Variants in CUBN observed in about 807,000 individuals in gnomAD.
CUBN encodes the protein 460 kDa receptor.
Under a neutral mutation model 405.3 loss-of-function variants are expected in CUBN, and 282 were observed. The ratio of observed to expected loss-of-function variants is 0.70; its 90% CI spans 0.63 to 0.77. The LOEUF is 0.77. Among genes scored for constraint, CUBN ranks in the 30% least tolerant of loss-of-function variants. The probability of loss-of-function intolerance (pLI) is 0.00; values close to 1 mark genes in which losing one functional copy is unlikely to be tolerated. For synonymous variants in CUBN, 1,684 were observed against 1,617.0 expected (o/e 1.04, Z -0.99); for missense variants, 4,514 against 4,475.2 (o/e 1.01, Z -0.25).
In CUBN at chr10:16,961,576, A is replaced by T. The variant is rs146910536; in HGVS notation, c.4696-7028T>A. ...AAAGAACGGTAATGTGGGAAAATAA[A>T]GAAGCCAAGCAAAGGGAACTTTTTA... On this transcript the variant is annotated intron_variant, in intron 31 of 66. Transcript: ENST00000377833. 3.3e-5 allele frequency among the ~76,000 whole-genome samples: 5 copies of T among 152,338 alleles called. No individual in the cohort carries two copies. In the East Asian group the frequency reaches 9.6e-4, roughly 29 times the overall value.
chr10:16,985,450 C>A (rs1023689808), intron 29 of CUBN, among the ~76,000 whole-genome samples: 1 of 152,176 alleles, frequency 6.6e-6, no homozygotes, highest in Non-Finnish European at 1.5e-5. Context: ...CTCCATCGCC[C>A]AATAAAATCC....
chr10:16,889,777 C>T (rs1840937814), intron 55 of CUBN, among the ~76,000 whole-genome samples: 2 of 151,720 alleles, frequency 1.3e-5, no homozygotes, highest in Admixed American at 6.6e-5. Flanking sequence ...TGGCACACAC[C>T]TGTAGTCCCA....
intron 51 of CUBN, 57 bp downstream of exon 51, chr10:16,903,907 GGA>G (rs201430439): frequency 0.048 from 12,359 of 255,416 alleles, 370 homozygotes; most frequent in East Asian, 0.39. Flanking sequence ...AAATCTTTAT[GGA>G]AAAAAATCAT....
intron 14 of CUBN, among the ~76,000 whole-genome samples, chr10:17,098,771 C>T (rs1385475017): frequency 1.3e-5 from 2 of 152,028 alleles, no homozygotes; most frequent in East Asian, 1.9e-4. Flanking sequence ...CATATTTTTA[C>T]ATAACAAGTG....
chr10:16,832,294 A>G (rs181822832), intron 64 of CUBN, among the ~76,000 whole-genome samples: 6 of 152,190 alleles, frequency 3.9e-5, no homozygotes, highest in African/African-American at 1.4e-4. Context: ...TATTCAAAAT[A>G]TTGGAAGTTC....
rs11254349 is a variant in CUBN at position 17,056,524 on chromosome 10, G to C, written c.3140-8921C>G. ...CTCGGGAGGCTGAGGCAAGAGAATGGCGTGAACCCGGGAGTCGGAGCTTGC... is the reference window on the plus strand; with the variant it reads ...CTCGGGAGGCTGAGGCAAGAGAATGCCGTGAACCCGGGAGTCGGAGCTTGC... On this transcript the variant is annotated intron_variant, in intron 22 of 66. Coordinates refer to ENST00000377833, the MANE Select transcript of CUBN (RefSeq NM_001081.4). Among the ~76,000 whole-genome samples, 237 of 152,018 alleles carry C rather than the reference G, an allele frequency of 1.6e-3. 1 individual carries two copies. The highest frequency in any genetic ancestry group is 5.5e-3 in the African/African-American group (226 of 41,466).
At chr10:17,059,151 C>A (rs1366751731) in intron 22 of CUBN, among the ~76,000 whole-genome samples, 1 of 151,722 alleles carries the variant, frequency 6.6e-6, no homozygotes, top group Non-Finnish European at 1.5e-5. Context: ...AATGAAAAAA[C>A]ATACAAATGC....
At chr10:16,997,933 G>C (rs1266374554) in intron 28 of CUBN, among the ~76,000 whole-genome samples, 1 of 152,148 alleles carries the variant, frequency 6.6e-6, no homozygotes, top group East Asian at 1.9e-4. Context: ...TGTGCAGATG[G>C]ATTTTTCTGA....
rs186926107 is a variant in CUBN at position 17,014,297 on chromosome 10, C to T, written c.4168+5536G>A. The stretch of plus-strand genomic sequence containing the variant: ...TGTGATGTATAAAGAAAAGTTTTGT[C>T]CTGTGGGAAAGCTTAAAGCTGGAGC... On this transcript the variant is annotated intron_variant, in intron 28 of 66. Transcript: ENST00000377833. 2.2e-4 allele frequency among the ~76,000 whole-genome samples: 33 copies of T among 152,264 alleles called. No homozygotes were observed. In the South Asian group the frequency reaches 2.3e-3, roughly 11 times the overall value.
At chr10:17,008,158 A>C (rs1255427243) in intron 28 of CUBN, among the ~76,000 whole-genome samples, 4 of 152,156 alleles carry the variant, frequency 2.6e-5, no homozygotes, top group Non-Finnish European at 4.4e-5. Context: ...CTCAAAAAAA[A>C]AATTACAATT....
chr10:16,848,690 CTTTTTTTTTTTT>C (rs10562297), intron 60 of CUBN, among the ~76,000 whole-genome samples: 7 of 53,370 alleles, frequency 1.3e-4, no homozygotes, highest in South Asian at 1.4e-3. Flanking sequence ...CTCTCCCAGC[CTTTTTTTTTTTT>C]TTTTTTTTTT....
chr10:16,891,996 G>A (rs982902041), intron 54 of CUBN, among the ~76,000 whole-genome samples: 6 of 151,162 alleles, frequency 4.0e-5, no homozygotes, highest in African/African-American at 9.9e-5. Flanking sequence ...TCTTCACATG[G>A]AATGATACCA....
chr10:17,065,606 G>T lies in CUBN; in HGVS notation c.3041C>A (p.Thr1014Lys). 1 of 1,613,634 alleles carries T rather than the reference G, an allele frequency of 6.2e-7. No individual in the cohort carries two copies. Among genetic ancestry groups the T allele is most frequent in the African/African-American group, 1.3e-5 (1 of 75,034 alleles). ...CAGCATCAATGAGTTACCACTGCTT[G>T]TGAGAGATGGCGGGATCGACTTTCC... ...YCGKSIPPSL[T>K]SSGNSLMLVF... The change falls in exon 22 of 67, where the codon ACA becomes AAA. Residue 1014 changes from threonine to lysine, a missense_variant. Thr to Lys is a moderately conservative substitution (Grantham distance 78). This residue lies in a region of CUBN where 1,448 missense variants were observed against 1,388.0 expected (regional missense o/e 1.04). Transcript: ENST00000377833.
intron 22 of CUBN, among the ~76,000 whole-genome samples, chr10:17,061,856 A>C (rs1835511466): frequency 6.6e-6 from 1 of 152,166 alleles, no homozygotes; most frequent in Non-Finnish European, 1.5e-5. Flanking sequence ...CGTTTCTAAG[A>C]GCTAACCTAG....
intron 31 of CUBN, among the ~76,000 whole-genome samples, chr10:16,973,739 G>A (rs138970484): frequency 2.0e-5 from 3 of 152,294 alleles, no homozygotes; most frequent in Admixed American, 6.5e-5. Flanking sequence ...AGAACATGCA[G>A]TATTTAGTTT....
intron 31 of CUBN, 64 bp from the exon 32 acceptor site, chr10:16,954,612 G>T (rs923784275): frequency 4.5e-6 from 7 of 1,556,402 alleles, no homozygotes; most frequent in African/African-American, 2.7e-5. Flanking sequence ...TGTATTCCAC[G>T]AACTGTCTGC....
intron 14 of CUBN, among the ~76,000 whole-genome samples, chr10:17,096,249 T>C (rs1245732553): frequency 6.6e-6 from 1 of 152,118 alleles, no homozygotes; most frequent in Non-Finnish European, 1.5e-5. Flanking sequence ...TATTGTATTA[T>C]ACACTTGAAA....
chr10:16,942,766 G>A (rs1183712216), intron 36 of CUBN, among the ~76,000 whole-genome samples: 1 of 144,788 alleles, frequency 6.9e-6, no homozygotes, highest in African/African-American at 2.6e-5. Context: ...AAACAGGAAA[G>A]GGGAAAGGGT....
At chr10:17,008,437 T>C (rs1834090874) in intron 28 of CUBN, among the ~76,000 whole-genome samples, 1 of 142,134 alleles carries the variant, frequency 7.0e-6, no homozygotes, top group South Asian at 2.3e-4. Flanking sequence ...CTCGTGTGTG[T>C]GTGTGTGTGT....
Sources: allele counts gnomAD v4.1 joint callset (sites outside exome capture counted in the v4.1 genomes callset), GRCh38; gene constraint gnomAD v4.1.1; regional missense constraint gnomAD v4.1.1; transcripts MANE v1.5; gene names NCBI Gene and HGNC (gene_info 2026-07-23, HGNC 2026-07-21).